Variants in STXBP5L observed in about 807,000 individuals in gnomAD.
STXBP5L encodes syntaxin binding protein 5L, also known as syntaxin-binding protein 5-like.
A neutral mutation model predicts 144.5 loss-of-function variants in STXBP5L; 65 were observed. The ratio of observed to expected loss-of-function variants is 0.45; its 90% CI spans 0.37 to 0.55. The LOEUF (loss-of-function observed/expected upper bound fraction) is 0.55. STXBP5L is among the 20% of genes least tolerant of loss of function. The pLI is 0.00. For missense variants in STXBP5L, 1,298 were observed against 1,405.5 expected (o/e 0.92, Z 1.22); for synonymous variants, 505 against 469.6 (o/e 1.08, Z -0.97).
intron 5 of STXBP5L, among the ~76,000 whole-genome samples, chr3:121,062,796 T>C (rs1414046431): frequency 6.6e-6 from 1 of 152,198 alleles, no homozygotes; most frequent in Non-Finnish European, 1.5e-5. Flanking sequence ...CCTGATTGAT[T>C]TGTCTATTGA....
chr3:121,266,825 C>T (rs2050581253), intron 18 of STXBP5L, among the ~76,000 whole-genome samples: 1 of 152,022 alleles, frequency 6.6e-6, no homozygotes, highest in Admixed American at 6.6e-5. Flanking sequence ...AATTCCTATA[C>T]AACAACAACA....
intron 3 of STXBP5L, among the ~76,000 whole-genome samples, chr3:120,980,992 C>A (rs893022063): frequency 1.3e-5 from 2 of 151,908 alleles, no homozygotes; most frequent in African/African-American, 4.8e-5. Context: ...AAATCCTTTG[C>A]TAGATTTTTT....
chr3:121,418,514 G>T lies in STXBP5L; in HGVS notation c.3404G>T (p.Gly1135Val), dbSNP rs2047292437. The change falls in exon 26 of 27, where the codon GGC becomes GTC. Residue 1135 changes from glycine (G) to valine (V), a missense_variant. By Grantham distance (109) the Gly-to-Val change is moderately radical (BLOSUM62 -3). Coordinates refer to ENST00000471454, the MANE Select transcript of STXBP5L (RefSeq NM_001308330.2). ...GGAGAGCTGGAAGAGAAAACTGCAG[G>T]CATGATGACCAGTGCAGAAGCATTT... ...RLGELEEKTA[G>V]MMTSAEAFSK... The T allele has an allele frequency of 4.3e-6, 7 of 1,614,030 alleles. No homozygotes were observed. In the South Asian group the frequency reaches 6.6e-5, roughly 15 times the overall value.
chr3:121,291,909 A>G (rs1039063288), intron 19 of STXBP5L, among the ~76,000 whole-genome samples: 1 of 152,242 alleles, frequency 6.6e-6, no homozygotes, highest in Admixed American at 6.5e-5. Flanking sequence ...TCAACTCAGG[A>G]TGAATCAAAG....
Position 121,413,241 on chromosome 3 carries a change from A to G in STXBP5L, c.3032A>G (p.Asn1011Ser), listed in dbSNP as rs200892436. 1.2e-5 allele frequency: 20 copies of G among 1,610,660 alleles called. No individual in the cohort carries two copies. Among genetic ancestry groups the G allele is most frequent in the African/African-American group, 5.3e-5 (4 of 74,882 alleles). ...ATAGCACGAACATTTTGTTTTACCA[A>G]TGAAGGACAGGCATTATACCTCGTC... ...MRIARTFCFT[N>S]EGQALYLVSP... The change falls in exon 24 of 27, where the codon AAT (asparagine) becomes AGT (serine). Residue 1011 changes from asparagine (N) to serine (S), a missense_variant. Asn to Ser is a conservative substitution (Grantham distance 46). Transcript: ENST00000471454.
At chr3:121,236,895 C>T (rs1022196803) in intron 12 of STXBP5L, among the ~76,000 whole-genome samples, 2 of 152,150 alleles carry the variant, frequency 1.3e-5, no homozygotes, top group African/African-American at 4.8e-5. Context: ...ATTTCCATTC[C>T]AGTAGGAAGG....
chr3:121,233,582 A>G lies in STXBP5L; in HGVS notation c.1112-34A>G, dbSNP rs773682186. On this transcript the variant is annotated intron_variant, in intron 11 of 26. Transcript: ENST00000471454. The stretch of plus-strand genomic sequence containing the variant: ...TTGCTGATTTTATAGTATATACAAT[A>G]TGAAAACTTTTCATTTTTTATTTTT... 32 of 1,547,602 alleles carry G rather than the reference A, an allele frequency of 2.1e-5. No homozygotes were observed. In the South Asian group the frequency reaches 3.5e-4, roughly 17 times the overall value.
intron 3 of STXBP5L, among the ~76,000 whole-genome samples, chr3:120,958,001 A>G (rs9818673): frequency 0.099 from 15,098 of 152,178 alleles, 1,181 homozygotes; most frequent in Admixed American, 0.2. Context: ...CAAAATTGAT[A>G]GACCGCTAGC....
chr3:121,277,646 C>G (rs189415279), intron 18 of STXBP5L, among the ~76,000 whole-genome samples: 1 of 151,774 alleles, frequency 6.6e-6, no homozygotes, highest in Admixed American at 6.6e-5. Flanking sequence ...CTCTGGTTAT[C>G]ATATTTTCCT....
At chr3:121,012,381 G>C (rs991370387) in intron 3 of STXBP5L, among the ~76,000 whole-genome samples, 1 of 151,804 alleles carries the variant, frequency 6.6e-6, no homozygotes, top group East Asian at 1.9e-4. Context: ...ATTATGAGGA[G>C]CTGCTATTAT....
chr3:121,158,738 C>A (rs2046208871), intron 9 of STXBP5L: 1 of 152,132 alleles, frequency 6.6e-6, no homozygotes, highest in African/African-American at 2.4e-5. Context: ...AGCTAACCCC[C>A]AATACTCATG....
intron 5 of STXBP5L, among the ~76,000 whole-genome samples, chr3:121,056,993 A>G (rs1484035362): frequency 1.3e-5 from 2 of 150,564 alleles, no homozygotes; most frequent in Non-Finnish European, 1.5e-5. Flanking sequence ...ATATATATTT[A>G]TATATATTTT....
intron 7 of STXBP5L, among the ~76,000 whole-genome samples, chr3:121,139,654 A>G (rs2045411204): frequency 6.6e-6 from 1 of 152,080 alleles, no homozygotes; most frequent in African/African-American, 2.4e-5. Flanking sequence ...AAAGGCAATG[A>G]GAACATTAAC....
intron 2 of STXBP5L, among the ~76,000 whole-genome samples, chr3:120,924,186 A>G (rs1228650405): frequency 6.6e-6 from 1 of 152,122 alleles, no homozygotes; most frequent in Non-Finnish European, 1.5e-5. Flanking sequence ...TCTACCCTTC[A>G]TTTCACCACA....
chr3:121,205,728 A>G (rs1559862782), intron 9 of STXBP5L, among the ~76,000 whole-genome samples, 195 bp from the exon 10 acceptor site: 1 of 152,182 alleles, frequency 6.6e-6, no homozygotes, highest in South Asian at 2.1e-4. Flanking sequence ...ATAGCAGACA[A>G]TTATTGCAAC....
rs1435074408 is a variant in STXBP5L, at chr3:121,349,151, C to T, written c.2177-29565C>T. On this transcript the variant is annotated intron_variant, in intron 20 of 26. Coordinates refer to ENST00000471454, the MANE Select transcript of STXBP5L (RefSeq NM_001308330.2). ...TAAATGTGTCCCGGAGATTCTGGTA[C>T]GTTGTGTCTTTGTTCTCATTGGTTT... Among the ~76,000 whole-genome samples the T allele has an allele frequency of 4.6e-5, 7 of 152,014 alleles. 1 individual carries two copies. Among genetic ancestry groups the T allele is most frequent in the Admixed American group, 1.3e-4 (2 of 15,258 alleles).
chr3:121,176,897 A>C (rs931794384), intron 9 of STXBP5L, among the ~76,000 whole-genome samples: 3 of 152,056 alleles, frequency 2.0e-5, no homozygotes, highest in Non-Finnish European at 4.4e-5. Context: ...AGAAAGAAGA[A>C]CAAAGCACTA....
rs1458165703 is a variant in STXBP5L, at chr3:121,421,440, G to C, written c.*2343G>C. 1 of 152,136 alleles carries C rather than the reference G, an allele frequency of 6.6e-6. No individual in the cohort carries two copies. Among genetic ancestry groups the C allele is most frequent in the African/African-American group, 2.4e-5 (1 of 41,434 alleles). 9.4% of individuals were successfully genotyped at this position (152,136 alleles called of 1,614,324 possible). A position where few individuals can be genotyped will look rare whatever the true frequency, so the allele number is the denominator to read the frequency against. ...CAACATCCCTGGCCTCTGTCTACTA[G>C]ATGCCAGTAAGAACCTCCTAGTAAT... On this transcript the variant is annotated 3_prime_UTR_variant, in exon 27 of 27. Transcript: ENST00000471454.
In STXBP5L at chr3:121,045,504, A is replaced by C; in HGVS notation, c.439A>C (p.Ile147Leu). 3 of 1,613,146 alleles carry C rather than the reference A, an allele frequency of 1.9e-6. No individual in the cohort carries two copies. Among genetic ancestry groups the C allele is most frequent in the Non-Finnish European group, 2.5e-6 (3 of 1,179,454 alleles). ...LWNLRQKRPA[I>L]LHSLKFNRER... is the part of the protein sequence containing the mutation. ...GAACCTTAGACAAAAAAGGCCAGCC[A>C]TACTCCATTCTCTTAAATTTAACCG... Residue 147 changes from isoleucine (I) to leucine (L), a missense_variant, in exon 5 of 27, where the codon ATA becomes CTA. Physicochemically the swap from Ile to Leu is conservative, Grantham distance 5. Transcript: ENST00000471454.
Sources: allele counts gnomAD v4.1 joint callset (sites outside exome capture counted in the v4.1 genomes callset), GRCh38; gene constraint gnomAD v4.1.1; transcripts MANE v1.5; gene names NCBI Gene and HGNC (gene_info 2026-07-23, HGNC 2026-07-21).